PRKN: variants seen among roughly 807,000 people sequenced by gnomAD.
PRKN encodes the protein E3 ubiquitin-protein ligase parkin.
Under a neutral mutation model 59.5 loss-of-function variants are expected in PRKN, and 56 were observed. That is an observed-to-expected ratio of 0.94 (90% CI 0.76 to 1.18). The LOEUF (loss-of-function observed/expected upper bound fraction) is 1.18. Among genes scored for constraint, PRKN ranks in the 50% most tolerant of loss-of-function variants. The pLI is 0.00. For missense variants in PRKN, 657 were observed against 596.4 expected (o/e 1.10, Z -1.06); for synonymous variants, 250 against 222.1 (o/e 1.13, Z -1.12).
intron 6 of PRKN, among the ~76,000 whole-genome samples, chr6:161,798,846 G>T (rs1790960310): frequency 6.6e-6 from 1 of 152,126 alleles, no homozygotes; most frequent in African/African-American, 2.4e-5. Context: ...AAGAGCCTGT[G>T]CAGACAGGCT....
At chr6:162,099,847 G>A (rs1390294252) in intron 4 of PRKN, among the ~76,000 whole-genome samples, 1 of 152,056 alleles carries the variant, frequency 6.6e-6, no homozygotes, top group Non-Finnish European at 1.5e-5. Context: ...ACCATATTGT[G>A]CAATACTGTG....
At chr6:162,593,825 T>C (rs1781395506) in intron 1 of PRKN, among the ~76,000 whole-genome samples, 1 of 152,162 alleles carries the variant, frequency 6.6e-6, no homozygotes, top group African/African-American at 2.4e-5. Context: ...AGTGTGTTTC[T>C]AGATAATTTA....
intron 6 of PRKN, among the ~76,000 whole-genome samples, chr6:161,936,739 T>C (rs1383047220): frequency 6.6e-6 from 1 of 151,900 alleles, no homozygotes; most frequent in Non-Finnish European, 1.5e-5. Flanking sequence ...TTATTAGGCA[T>C]CCACTTTACA....
At chr6:162,675,599 G>T (rs1180616520) in intron 1 of PRKN, among the ~76,000 whole-genome samples, 1 of 152,048 alleles carries the variant, frequency 6.6e-6, no homozygotes, top group African/African-American at 2.4e-5. Flanking sequence ...CAGTATGCAG[G>T]ACTTAAAACA....
chr6:161,655,982 A>G (rs1784336372), intron 7 of PRKN, among the ~76,000 whole-genome samples: 1 of 152,142 alleles, frequency 6.6e-6, no homozygotes, highest in Non-Finnish European at 1.5e-5. Flanking sequence ...ATCAGAAAGC[A>G]ACTGAGCATC....
intron 6 of PRKN, among the ~76,000 whole-genome samples, chr6:161,856,316 C>T (rs866938258): frequency 2.0e-5 from 3 of 151,372 alleles, no homozygotes; most frequent in African/African-American, 4.9e-5. Context: ...GCCGAGATTG[C>T]GCCACTGCAC....
At chr6:162,211,665 A>G (rs1785202043) in intron 3 of PRKN, among the ~76,000 whole-genome samples, 1 of 152,180 alleles carries the variant, frequency 6.6e-6, no homozygotes, top group Admixed American at 6.5e-5. Context: ...AATAGCCAAT[A>G]TAATTAGTTT....
At chr6:162,287,502 A>G (rs1051430768) in intron 2 of PRKN, among the ~76,000 whole-genome samples, 1 of 152,174 alleles carries the variant, frequency 6.6e-6, no homozygotes, top group Non-Finnish European at 1.5e-5. Context: ...TGGGAGGTCC[A>G]GGCTGCAGTG....
chr6:161,973,112 T>A (rs776068417), intron 6 of PRKN, among the ~76,000 whole-genome samples, 190 bp downstream of exon 6: 1 of 152,138 alleles, frequency 6.6e-6, no homozygotes, highest in African/African-American at 2.4e-5. Flanking sequence ...AATTGTTTCC[T>A]CACATTAAAA....
intron 4 of PRKN, among the ~76,000 whole-genome samples, chr6:162,186,431 T>C (rs1784035340): frequency 6.6e-6 from 1 of 152,002 alleles, no homozygotes; most frequent in African/African-American, 2.4e-5. Flanking sequence ...GATTGGTTTG[T>C]TGGAGTGAGT....
intron 1 of PRKN, among the ~76,000 whole-genome samples, chr6:162,459,741 T>C (rs1297910009): frequency 6.6e-6 from 1 of 152,220 alleles, no homozygotes; most frequent in African/African-American, 2.4e-5. Flanking sequence ...CAGTAAGCAC[T>C]CAGTAAATGT....
chr6:162,523,289 T>C (rs1439606531), intron 1 of PRKN, among the ~76,000 whole-genome samples: 2 of 152,104 alleles, frequency 1.3e-5, no homozygotes, highest in African/African-American at 4.8e-5. Context: ...GGCTTGTTGT[T>C]TAGATATTAG....
At chr6:161,986,821 C>T (rs1253777658) in intron 5 of PRKN, among the ~76,000 whole-genome samples, 1 of 152,176 alleles carries the variant, frequency 6.6e-6, no homozygotes, top group Non-Finnish European at 1.5e-5. Context: ...AGCAACTTCA[C>T]AGTGTCCAGT....
At chr6:161,629,301 C>T (rs968703373) in intron 7 of PRKN, among the ~76,000 whole-genome samples, 9 of 152,104 alleles carry the variant, frequency 5.9e-5, no homozygotes, top group African/African-American at 1.9e-4. Flanking sequence ...ACGCTCTCAG[C>T]CAGCAGAATC....
chr6:162,170,235 G>T (rs540194124), intron 4 of PRKN, among the ~76,000 whole-genome samples: 1 of 152,216 alleles, frequency 6.6e-6, no homozygotes, highest in Non-Finnish European at 1.5e-5. Context: ...TATCTGCTCT[G>T]GGAAAGAAGA....
intron 4 of PRKN, among the ~76,000 whole-genome samples, chr6:162,175,874 C>T (rs1336395166): frequency 2.0e-5 from 3 of 152,162 alleles, no homozygotes; most frequent in Admixed American, 6.5e-5. Context: ...ATCTGTGCTG[C>T]CCCATCTCCA....
At chr6:162,084,546 A>C (rs1779178095) in intron 4 of PRKN, among the ~76,000 whole-genome samples, 1 of 152,142 alleles carries the variant, frequency 6.6e-6, no homozygotes, top group East Asian at 1.9e-4. Context: ...GGAGTCTTCA[A>C]AAATAATCAT....
At chr6:162,232,832 G>A (rs751505876) in intron 3 of PRKN, among the ~76,000 whole-genome samples, 5 of 152,130 alleles carry the variant, frequency 3.3e-5, no homozygotes, top group African/African-American at 4.8e-5. Context: ...AAAGCGTGGT[G>A]TGTAAACTAC....
At chr6:161,647,788 G>T (rs1029221301) in intron 7 of PRKN, among the ~76,000 whole-genome samples, 1 of 152,164 alleles carries the variant, frequency 6.6e-6, no homozygotes, top group African/African-American at 2.4e-5. Flanking sequence ...TTGTGTCACA[G>T]AAGTGCTTTT....
Sources: gnomAD v4.1 joint callset for allele counts (sites outside exome capture counted in the v4.1 genomes callset) on GRCh38, gnomAD v4.1.1 for gene constraint, MANE v1.5 for transcripts, NCBI Gene and HGNC (gene_info 2026-07-23, HGNC 2026-07-21) for gene names.